Variants in HMCN1 observed in about 807,000 individuals in gnomAD.
HMCN1 encodes hemicentin 1, also known as hemicentin-1.
HMCN1 carries 321 observed loss-of-function variants against 625.9 expected under a neutral mutation model. That is an observed-to-expected ratio of 0.51 (90% CI 0.47 to 0.56). The LOEUF is 0.56. Ranked by LOEUF, HMCN1 falls within the 20% of genes least tolerant of loss-of-function variation. HMCN1 has a pLI of 0.00. For synonymous variants in HMCN1, 2,425 were observed against 2,417.6 expected, an observed-to-expected ratio of 1.00 and a Z score of -0.09; for missense variants, 6,588 against 6,887.3, an observed-to-expected ratio of 0.96 and a Z score of 1.54.
At chr1:186,089,854 T>A (rs1659740279) in intron 63 of HMCN1, among the ~76,000 whole-genome samples, 2 of 151,952 alleles carry the variant, frequency 1.3e-5, no homozygotes, top group African/African-American at 2.4e-5. Context: ...TATTATTTTC[T>A]GAATGACTAA....
intron 29 of HMCN1, among the ~76,000 whole-genome samples, chr1:186,005,079 TATAA>T (rs1467761942): frequency 1.3e-5 from 2 of 151,856 alleles, no homozygotes; most frequent in African/African-American, 2.4e-5. Context: ...TATAAATGTT[TATAA>T]ATAATTTTTT....
intron 51 of HMCN1, 29 bp downstream of exon 51, chr1:186,069,805 TAG>T (rs1658373052): frequency 6.9e-7 from 1 of 1,447,888 alleles, no homozygotes; most frequent in African/African-American, 1.4e-5. Context: ...CTATGTTTCA[TAG>T]CTTCCCCAAT....
At chr1:185,877,317 CTTTCT>C (rs1558033480) in intron 4 of HMCN1, among the ~76,000 whole-genome samples, 7 of 42,766 alleles carry the variant, frequency 1.6e-4, no homozygotes, top group South Asian at 1.6e-3. Context: ...ATCTATGTGT[CTTTCT>C]TTTTTTTTTT....
rs142038459 is a variant in HMCN1 at position 186,103,531 on chromosome 1, C to T, written c.10633C>T (p.Pro3545Ser). 54 of 1,613,536 alleles carry T rather than the reference C, an allele frequency of 3.3e-5. No homozygotes were observed. In the African/African-American group the frequency reaches 6.0e-4, roughly 18 times the overall value. Reference protein sequence around the residue: ...HEEISVIVNNPLELTCIASGI... With the variant: ...HEEISVIVNNSLELTCIASGI... ...AGAGATATCAGTAATTGTTAATAAC[C>T]CACTTGAACTTACCTGCATTGCTTC... The change falls in exon 69 of 107, where the codon CCA becomes TCA. Residue 3545 changes from proline (P) to serine (S), a missense_variant. Physicochemically the swap from Pro to Ser is moderately conservative, Grantham distance 74. Around this residue, in one of 3 missense-constraint regions of HMCN1, gnomAD observed 4,628 missense variants for 4,853.1 expected, o/e 0.95. Transcript: ENST00000271588.
intron 93 of HMCN1, among the ~76,000 whole-genome samples, chr1:186,148,150 G>A (rs1003986656): frequency 1.3e-5 from 2 of 152,192 alleles, no homozygotes; most frequent in Non-Finnish European, 2.9e-5. Flanking sequence ...ATCAGGAGTA[G>A]ATTCCATATC....
At position 186,128,088 on chromosome 1, in the gene HMCN1, C is replaced by A. The variant is rs370953193; in HGVS notation, c.12701C>A (p.Ser4234Tyr). ...LILENVVLED[S>Y]GFYTCVANNA... ...TTTTTTTAATTTTAGCTGGAGGATT[C>A]TGGCTTCTATACCTGTGTTGCTAAC... Residue 4234 changes from serine (S) to tyrosine (Y), a missense_variant, in exon 83 of 107, where the codon TCT becomes TAT. By Grantham distance (144) the Ser-to-Tyr change is moderately radical (BLOSUM62 -2). Coordinates refer to ENST00000271588, the MANE Select transcript of HMCN1 (RefSeq NM_031935.3). 6.8e-6 allele frequency: 11 copies of A among 1,613,096 alleles called. No homozygotes were observed. The African/African-American group carries it at 8.0e-5, about 12-fold the overall frequency.
At chr1:186,180,675 C>G (rs954064497) in intron 104 of HMCN1, among the ~76,000 whole-genome samples, 6 of 152,134 alleles carry the variant, frequency 3.9e-5, no homozygotes, top group African/African-American at 1.2e-4. Flanking sequence ...AGACAGTCAT[C>G]TGCTATTTGA....
At chr1:186,023,845 T>C (rs1654880003) in intron 36 of HMCN1, among the ~76,000 whole-genome samples, 1 of 152,176 alleles carries the variant, frequency 6.6e-6, no homozygotes, top group African/African-American at 2.4e-5. Context: ...TCACTTCACA[T>C]TTACCAAGCA....
chr1:186,004,258 C>T (rs1302762848), intron 29 of HMCN1, among the ~76,000 whole-genome samples: 2 of 152,186 alleles, frequency 1.3e-5, no homozygotes, highest in Admixed American at 1.3e-4. Flanking sequence ...ACAGATATTT[C>T]TCCAACTCCA....
At chr1:185,925,587 G>C (rs548364284) in intron 9 of HMCN1, among the ~76,000 whole-genome samples, 1 of 152,186 alleles carries the variant, frequency 6.6e-6, no homozygotes, top group African/African-American at 2.4e-5. Context: ...CATGGTAAAA[G>C]TGTTTCTGAA....
chr1:185,766,621 A>C (rs1345681270), intron 1 of HMCN1, among the ~76,000 whole-genome samples: 1 of 152,160 alleles, frequency 6.6e-6, no homozygotes, highest in Non-Finnish European at 1.5e-5. Flanking sequence ...TCATTGCTTA[A>C]ATACACCTTA....
At chr1:185,900,388 T>C (rs1029872765) in intron 4 of HMCN1, among the ~76,000 whole-genome samples, 1 of 152,026 alleles carries the variant, frequency 6.6e-6, no homozygotes, top group Non-Finnish European at 1.5e-5. Flanking sequence ...GGTTGTCATA[T>C]AAATCGAAAT....
At chr1:185,884,918 TATG>T (rs1256398611) in intron 4 of HMCN1, among the ~76,000 whole-genome samples, 1 of 152,012 alleles carries the variant, frequency 6.6e-6, no homozygotes, top group East Asian at 1.9e-4. Flanking sequence ...GAGACAAAAA[TATG>T]ATTGTTTTGT....
chr1:185,965,805 C>T lies in HMCN1; in HGVS notation c.2102C>T (p.Ala701Val). The change falls in exon 14 of 107, where the codon GCC becomes GTC. Residue 701 changes from alanine (A) to valine (V), a missense_variant. By Grantham distance (64) the Ala-to-Val change is moderately conservative. Coordinates refer to ENST00000271588, the MANE Select transcript of HMCN1 (RefSeq NM_031935.3). ...TTTGCGTTTTTGTTTTTTTCAGAAGCCCCTAAGTTGATGGTAGTTCAGAGT... is the reference window on the plus strand; with the variant it reads ...TTTGCGTTTTTGTTTTTTTCAGAAGTCCCTAAGTTGATGGTAGTTCAGAGT... ...KQNSTLRYIE[A>V]PKLMVVQSEL... 6.3e-7 allele frequency: 1 copy of T among 1,593,304 alleles called. No homozygotes were observed. Among genetic ancestry groups the T allele is most frequent in the Non-Finnish European group, 8.6e-7 (1 of 1,161,390 alleles).
At chr1:186,032,692 T>C (rs1655537165) in intron 36 of HMCN1, among the ~76,000 whole-genome samples, 1 of 151,762 alleles carries the variant, frequency 6.6e-6, no homozygotes, top group Non-Finnish European at 1.5e-5. Flanking sequence ...CAGTCTTGGG[T>C]ATGTCTTTAT....
intron 15 of HMCN1, among the ~76,000 whole-genome samples, chr1:185,975,246 A>T (rs554540708): frequency 5.9e-5 from 9 of 152,168 alleles, no homozygotes; most frequent in Admixed American, 6.6e-5. Context: ...TCACATTGCT[A>T]TAAAGAAATT....
chr1:186,186,994 TCACACACACACACA>T (rs371455899), intron 105 of HMCN1, among the ~76,000 whole-genome samples: 44 of 134,594 alleles, frequency 3.3e-4, no homozygotes, highest in Non-Finnish European at 5.2e-4. Flanking sequence ...TGTCTCTGTC[TCACACACACACACA>T]CACACACACA....
intron 4 of HMCN1, among the ~76,000 whole-genome samples, chr1:185,895,336 A>G (rs1446440363): frequency 6.6e-6 from 1 of 152,086 alleles, no homozygotes; most frequent in East Asian, 1.9e-4. Context: ...TAATTATCCT[A>G]TACTTCCATT....
intron 72 of HMCN1, among the ~76,000 whole-genome samples, chr1:186,113,331 T>C (rs1660977298): frequency 6.6e-6 from 1 of 152,214 alleles, no homozygotes; most frequent in Non-Finnish European, 1.5e-5. Context: ...ACAGAGACTG[T>C]CATAGGACTG....
Sources: allele counts gnomAD v4.1 joint callset (sites outside exome capture counted in the v4.1 genomes callset), GRCh38; gene constraint gnomAD v4.1.1; regional missense constraint gnomAD v4.1.1; transcripts MANE v1.5; gene names NCBI Gene and HGNC (gene_info 2026-07-23, HGNC 2026-07-21).